Variants in SVIL observed in about 807,000 individuals in gnomAD.
SVIL encodes the protein archvillin.
In SVIL, 101 loss-of-function variants were observed where a neutral mutation model predicts 240.4. The ratio of observed to expected loss-of-function variants is 0.42; its 90% confidence interval spans 0.36 to 0.50. The LOEUF (loss-of-function observed/expected upper bound fraction) is 0.50, where lower values mean the gene tolerates loss of function less well. Ranked by LOEUF, SVIL falls within the 20% of genes least tolerant of loss-of-function variation. The pLI is 0.01. For missense variants in SVIL, 2,512 were observed against 2,818.7 expected, an observed-to-expected ratio of 0.89 and a Z score of 2.46; for synonymous variants, 999 against 1,100.0, an observed-to-expected ratio of 0.91 and a Z score of 1.82.
chr10:29,708,114 C>A (rs1191143216), intron 1 of SVIL, among the ~76,000 whole-genome samples: 2 of 151,734 alleles, frequency 1.3e-5, no homozygotes, highest in East Asian at 3.9e-4. Context: ...AAAAATTAGC[C>A]AGGCATGGTG....
Position 29,589,216 on chromosome 10 carries a change from G to A in SVIL, c.-200-19904C>T, listed in dbSNP as rs529631305. On this transcript the variant is annotated intron_variant, in intron 1 of 37. Coordinates refer to ENST00000355867, the MANE Select transcript of SVIL (RefSeq NM_021738.3). ...GTGGAAAGCAGCGTTGGGAAACGGAGTTTTAAGTAACACCAACCCCATGCC... is the reference window on the plus strand; with the variant it reads ...GTGGAAAGCAGCGTTGGGAAACGGAATTTTAAGTAACACCAACCCCATGCC... 2.0e-5 allele frequency among the ~76,000 whole-genome samples: 3 copies of A among 152,330 alleles called. No individual in the cohort carries two copies. In the South Asian group the frequency reaches 6.2e-4, roughly 32 times the overall value.
intron 2 of SVIL, among the ~76,000 whole-genome samples, chr10:29,675,985 C>G (rs1960173527): frequency 6.6e-6 from 1 of 152,154 alleles, no homozygotes. Flanking sequence ...CTGAAACTTA[C>G]CAGATTACTG....
chr10:29,481,168 T>TGTGTGTGTGTGTG (rs66830131), intron 28 of SVIL, among the ~76,000 whole-genome samples: 4 of 109,634 alleles, frequency 3.6e-5, no homozygotes, highest in African/African-American at 1.5e-4. Flanking sequence ...GTGTGTGTGT[T>TGTGTGTGTGTGTG]TGTTTGTGTG....
chr10:29,620,106 G>A (rs574293217), intron 1 of SVIL, among the ~76,000 whole-genome samples: 13 of 152,102 alleles, frequency 8.5e-5, no homozygotes, highest in African/African-American at 2.4e-4. Flanking sequence ...CATCAGAACC[G>A]TGTAAATGGA....
intron 1 of SVIL, among the ~76,000 whole-genome samples, chr10:29,688,908 A>C (rs1397390914): frequency 6.6e-6 from 1 of 152,260 alleles, no homozygotes; most frequent in East Asian, 1.9e-4. Flanking sequence ...TTATGAGATA[A>C]GACTAGTGAA....
intron 1 of SVIL, among the ~76,000 whole-genome samples, chr10:29,694,333 G>T (rs1961758001): frequency 6.6e-6 from 1 of 151,748 alleles, no homozygotes; most frequent in African/African-American, 2.4e-5. Context: ...CCCAGGAGTT[G>T]GAGGCTGCAG....
intron 1 of SVIL, among the ~76,000 whole-genome samples, chr10:29,688,364 C>T (rs1024701449): frequency 1.3e-5 from 2 of 152,212 alleles, no homozygotes; most frequent in Non-Finnish European, 2.9e-5. Flanking sequence ...TGATCAGATG[C>T]TCCCTAGAGT....
intron 3 of SVIL, 125 bp downstream of exon 3, chr10:29,563,076 G>C (rs61846631): frequency 0.13 from 22,722 of 168,580 alleles, 1,555 homozygotes; most frequent in Non-Finnish European, 0.16. Context: ...AATTCTGGGA[G>C]GAGGCAGGAA....
intron 23 of SVIL, 50 bp downstream of exon 23, chr10:29,488,551 A>G (rs774470021): frequency 6.6e-7 from 1 of 1,504,456 alleles, no homozygotes; most frequent in African/African-American, 1.4e-5. Flanking sequence ...GTATGGGACC[A>G]GACAGAAACC....
At chr10:29,487,586 G>A (rs370920107) in intron 23 of SVIL, 1 of 307,144 alleles carries the variant, frequency 3.3e-6, no homozygotes, top group African/African-American at 2.1e-5. Flanking sequence ...AGGGAGATGA[G>A]CACACAGGCT....
chr10:29,488,648 T>A lies in SVIL; in HGVS notation c.4301A>T (p.Asn1434Ile). The change falls in exon 23 of 38, where the codon AAC becomes ATC. Residue 1434 changes from asparagine (N) to isoleucine (I), a missense_variant. Asn to Ile is a moderately radical substitution (Grantham distance 149, BLOSUM62 -3). This residue lies in a region of SVIL where 272 missense variants were observed against 406.8 expected (regional missense o/e 0.67). Coordinates refer to ENST00000355867, the MANE Select transcript of SVIL (RefSeq NM_021738.3). ...CCTCTTGTAGGGCACGGCGCTGTTG[T>A]TAGAGTTCTGTTCCGTCAGGTTGAC... ...RSVNLTEQNS[N>I]NSAVPYKRLM... is the part of the protein sequence containing the mutation. 1 of 1,612,686 alleles carries A rather than the reference T, an allele frequency of 6.2e-7. No individual in the cohort carries two copies. Among genetic ancestry groups the A allele is most frequent in the South Asian group, 1.1e-5 (1 of 90,586 alleles).
chr10:29,474,755 A>C (rs1481171700), intron 29 of SVIL, among the ~76,000 whole-genome samples: 1 of 152,220 alleles, frequency 6.6e-6, no homozygotes, highest in African/African-American at 2.4e-5. Context: ...AAAATGTTAA[A>C]AACAATAGCA....
chr10:29,668,442 G>A (rs755090728), intron 2 of SVIL, among the ~76,000 whole-genome samples: 1 of 152,132 alleles, frequency 6.6e-6, no homozygotes, highest in Non-Finnish European at 1.5e-5. Flanking sequence ...CAAGGTTACT[G>A]CTAAAATCTT....
intron 1 of SVIL, among the ~76,000 whole-genome samples, chr10:29,723,015 T>C (rs185535046): frequency 1.4e-3 from 214 of 152,348 alleles, no homozygotes; most frequent in African/African-American, 4.9e-3. Flanking sequence ...GTACTTGTGA[T>C]TAAATGACAT....
At position 29,522,462 on chromosome 10, in the gene SVIL, T is replaced by C; in HGVS notation, c.3337A>G (p.Thr1113Ala). 6.2e-7 allele frequency: 1 copy of C among 1,614,192 alleles called. No individual in the cohort carries two copies. The highest frequency in any genetic ancestry group is 8.5e-7 in the Non-Finnish European group (1 of 1,180,034). Residue 1113 changes from threonine (T) to alanine (A), a missense_variant, in exon 16 of 38, where the codon ACA becomes GCA. By Grantham distance (58) the Thr-to-Ala change is moderately conservative. Around this residue, in one of 3 missense-constraint regions of SVIL, gnomAD observed 1,443 missense variants for 1,486.6 expected, o/e 0.97. Coordinates refer to ENST00000355867, the MANE Select transcript of SVIL (RefSeq NM_021738.3). ...MFAAGEIKTP[T>A]GEGLLDSPSK... ...GGTGAGTCAAGAAGGCCCTCCCCTG[T>C]CGGCGTTTTGATCTCTCCAGCAGCA... is the stretch of plus-strand genomic sequence containing the variant.
At chr10:29,557,566 T>C (rs1954052217) in intron 3 of SVIL, among the ~76,000 whole-genome samples, 1 of 152,196 alleles carries the variant, frequency 6.6e-6, no homozygotes. Flanking sequence ...TTTAATTAAT[T>C]TTAAAATTTT....
intron 6 of SVIL, among the ~76,000 whole-genome samples, chr10:29,549,777 A>C: frequency 7.0e-6 from 1 of 142,962 alleles, no homozygotes; most frequent in East Asian, 2.1e-4. Context: ...CAAAAACAAA[A>C]AACCAAACAC....
chr10:29,521,458 C>T (rs1046276323), intron 16 of SVIL, among the ~76,000 whole-genome samples: 3 of 152,060 alleles, frequency 2.0e-5, no homozygotes, highest in Admixed American at 6.6e-5. Context: ...TTTTTCTTCA[C>T]CCAGTTTTCC....
rs575113756 is a variant in SVIL at position 29,555,184 on chromosome 10, T to C, written c.-50-76A>G. 1.2e-5 allele frequency: 16 copies of C among 1,338,828 alleles called. No homozygotes were observed. In the African/African-American group the frequency reaches 2.2e-4, roughly 18 times the overall value. The allele number at this position is 1,338,828 out of a possible 1,614,324, so 82.9% of individuals were successfully genotyped here. The stretch of plus-strand genomic sequence containing the variant: ...TCATTTTATTCACTCATGCAACGTG[T>C]TTATTGAACTGCAAATTTCAGTTCT... On this transcript the variant is annotated intron_variant, in intron 3 of 37. Transcript: ENST00000355867.
Sources: allele counts gnomAD v4.1 joint callset (sites outside exome capture counted in the v4.1 genomes callset), GRCh38; gene constraint gnomAD v4.1.1; regional missense constraint gnomAD v4.1.1; transcripts MANE v1.5; gene names NCBI Gene and HGNC (gene_info 2026-07-23, HGNC 2026-07-21).